The following CTNNA2 variants were observed in gnomAD, a reference collection of about 807,000 sequenced individuals.
CTNNA2 encodes catenin alpha 2.
CTNNA2 carries 42 observed loss-of-function variants against 101.0 expected under a neutral mutation model. The observed-to-expected ratio is 0.42, with a 90% CI of 0.32 to 0.54. CTNNA2 has a LOEUF of 0.54. CTNNA2 is among the 20% of genes least tolerant of loss of function. The probability of loss-of-function intolerance (pLI) is 0.14; values close to 1 mark genes in which losing one functional copy is unlikely to be tolerated. For synonymous variants in CTNNA2, 450 were observed against 456.4 expected (o/e 0.99, Z 0.18); for missense variants, 871 against 1,223.1 (o/e 0.71, Z 4.29).
At chr2:80,511,216 G>T (rs1688678165) in intron 9 of CTNNA2, among the ~76,000 whole-genome samples, 1 of 152,110 alleles carries the variant, frequency 6.6e-6, no homozygotes, top group Admixed American at 6.5e-5. Flanking sequence ...TCAACCTAAG[G>T]CAAAATTGTA....
chr2:79,957,937 C>T (rs1689358329), intron 7 of CTNNA2, among the ~76,000 whole-genome samples: 1 of 152,210 alleles, frequency 6.6e-6, no homozygotes, highest in Admixed American at 6.5e-5. Flanking sequence ...TAATCATTGA[C>T]AGCTCTTCAG....
At chr2:79,915,831 G>T (rs1054886243) in intron 7 of CTNNA2, among the ~76,000 whole-genome samples, 1 of 152,002 alleles carries the variant, frequency 6.6e-6, no homozygotes, top group Non-Finnish European at 1.5e-5. Context: ...GTATATTACT[G>T]CCGAGAGAGG....
intron 7 of CTNNA2, among the ~76,000 whole-genome samples, chr2:80,378,444 TAC>T (rs3040572): frequency 0.059 from 8,655 of 147,506 alleles, 246 homozygotes; most frequent in African/African-American, 0.086. Context: ...ACTTGCAGTA[TAC>T]ACACACACAC....
At chr2:79,923,357 A>C (rs1686801539) in intron 7 of CTNNA2, among the ~76,000 whole-genome samples, 1 of 152,028 alleles carries the variant, frequency 6.6e-6, no homozygotes, top group South Asian at 2.1e-4. Context: ...TTCTGTACAG[A>C]GATCTGACTT....
At chr2:79,354,473 A>G (rs1173814709) in intron 3 of CTNNA2, among the ~76,000 whole-genome samples, 2 of 152,088 alleles carry the variant, frequency 1.3e-5, no homozygotes, top group African/African-American at 4.8e-5. Context: ...ATTCTATTTT[A>G]AATGCTTCCA....
intron 7 of CTNNA2, among the ~76,000 whole-genome samples, chr2:80,044,870 G>A (rs1696411931): frequency 6.6e-6 from 1 of 152,102 alleles, no homozygotes; most frequent in Non-Finnish European, 1.5e-5. Flanking sequence ...AGGGCCCCAG[G>A]AGGCTATGTC....
At chr2:79,401,427 T>C (rs530467749) in intron 4 of CTNNA2, among the ~76,000 whole-genome samples, 11 of 151,832 alleles carry the variant, frequency 7.2e-5, no homozygotes, top group African/African-American at 2.4e-4. Context: ...GGGCTTATAA[T>C]GCATAAAGAT....
intron 9 of CTNNA2, among the ~76,000 whole-genome samples, chr2:80,469,849 C>A (rs1685148645): frequency 2.6e-5 from 4 of 152,164 alleles, no homozygotes. Flanking sequence ...TCACTAACTT[C>A]TCTAAGTATC....
chr2:79,531,264 A>C (rs983299288), intron 1 of CTNNA2, among the ~76,000 whole-genome samples: 31 of 147,402 alleles, frequency 2.1e-4, no homozygotes, highest in African/African-American at 7.7e-4. Flanking sequence ...AATGACTTAC[A>C]TAGGTTTCTT....
chr2:79,362,750 C>T (rs150528459), intron 3 of CTNNA2, among the ~76,000 whole-genome samples: 1 of 152,328 alleles, frequency 6.6e-6, no homozygotes, highest in East Asian at 1.9e-4. Context: ...GTGACCCCAA[C>T]ATTTCTGATA....
Position 80,017,604 on chromosome 2 carries a change from T to C in CTNNA2, c.1056+107807T>C, listed in dbSNP as rs1694247852. Reference sequence around the variant, plus strand: ...CCCCCAGATAATCTTATTTAATTGATCTCGGATTTGGCCCAAGGGTTGGGA... The same window carrying C: ...CCCCCAGATAATCTTATTTAATTGACCTCGGATTTGGCCCAAGGGTTGGGA... On this transcript the variant is annotated intron_variant, in intron 7 of 18. Coordinates refer to ENST00000402739, the MANE Select transcript of CTNNA2 (RefSeq NM_001282597.3). 2.0e-5 allele frequency among the ~76,000 whole-genome samples: 3 copies of C among 152,126 alleles called. No individual in the cohort carries two copies. In the South Asian group the frequency reaches 6.2e-4, roughly 32 times the overall value.
At chr2:79,669,627 C>G (rs1366612080) in intron 2 of CTNNA2, among the ~76,000 whole-genome samples, 1 of 152,154 alleles carries the variant, frequency 6.6e-6, no homozygotes, top group African/African-American at 2.4e-5. Flanking sequence ...TGACTGCAGG[C>G]AAGTCATTTG....
Position 80,130,876 on chromosome 2 carries a change from A to G in CTNNA2, c.1056+221079A>G, listed in dbSNP as rs17018651. The stretch of plus-strand genomic sequence containing the variant: ...TAGAAATGAGGCTTACAACAAGAGT[A>G]GGCCAACTCTAAGAAAATATATTAA... On this transcript the variant is annotated intron_variant, in intron 7 of 18. Transcript: ENST00000402739. Among the ~76,000 whole-genome samples, 634 of 152,166 alleles carry G rather than the reference A, an allele frequency of 4.2e-3. 2 individuals are homozygous for G. Among genetic ancestry groups the G allele is most frequent in the East Asian group, 0.02 (106 of 5,182 alleles).
intron 9 of CTNNA2, among the ~76,000 whole-genome samples, chr2:80,436,529 C>T (rs762430797): frequency 2.0e-5 from 3 of 152,086 alleles, no homozygotes; most frequent in Non-Finnish European, 2.9e-5. Context: ...ATGCTACAGC[C>T]GCTGCTATGG....
intron 4 of CTNNA2, among the ~76,000 whole-genome samples, chr2:79,446,766 A>G (rs964996037): frequency 4.6e-5 from 7 of 152,098 alleles, no homozygotes; most frequent in Admixed American, 2.0e-4. Context: ...ATTGTGTTGT[A>G]GCTGGTACAA....
chr2:80,432,763 A>C (rs973056868), intron 9 of CTNNA2, among the ~76,000 whole-genome samples: 1 of 152,168 alleles, frequency 6.6e-6, no homozygotes, highest in African/African-American at 2.4e-5. Context: ...CATGAGCTCT[A>C]TCACCTTCCC....
At chr2:80,555,966 C>A in intron 12 of CTNNA2, 73 bp downstream of exon 12, 1 of 1,091,596 alleles carries the variant, frequency 9.2e-7, no homozygotes, top group Non-Finnish European at 1.3e-6. Flanking sequence ...AAATCTGTTT[C>A]ATTGATTTCT....
At chr2:79,213,662 G>A (rs1470411109) in intron 2 of CTNNA2, among the ~76,000 whole-genome samples, 1 of 152,172 alleles carries the variant, frequency 6.6e-6, no homozygotes, top group African/African-American at 2.4e-5. Context: ...TGAATGTCAG[G>A]TGGATCAGAC....
intron 7 of CTNNA2, among the ~76,000 whole-genome samples, chr2:80,270,335 T>C (rs910506079): frequency 6.6e-6 from 1 of 152,186 alleles, no homozygotes; most frequent in African/African-American, 2.4e-5. Context: ...AAAAACAGCC[T>C]ATGAAGATGG....
Sources: gnomAD v4.1 joint callset for allele counts (sites outside exome capture counted in the v4.1 genomes callset) on GRCh38, gnomAD v4.1.1 for gene constraint, MANE v1.5 for transcripts, NCBI Gene and HGNC (gene_info 2026-07-23, HGNC 2026-07-21) for gene names.